The following USP54 variants were observed in gnomAD, a reference collection of about 807,000 sequenced individuals.
USP54 encodes the protein ubiquitin carboxyl-terminal hydrolase 54.
In USP54, 87 loss-of-function variants were observed where a neutral mutation model predicts 170.5. The observed-to-expected ratio is 0.51, with a 90% CI of 0.43 to 0.61. The LOEUF (loss-of-function observed/expected upper bound fraction) is 0.61, where lower values mean the gene tolerates loss of function less well. Ranked by LOEUF, USP54 falls within the 20% of genes least tolerant of loss-of-function variation. The pLI, the probability that USP54 is intolerant of heterozygous loss-of-function variation, is 0.00. For missense variants in USP54, 1,786 were observed against 2,047.8 expected, an observed-to-expected ratio of 0.87 and a Z score of 2.47; for synonymous variants, 655 against 742.8, an observed-to-expected ratio of 0.88 and a Z score of 1.92.
chr10:73,586,176 C>T (rs979223299), intron 1 of USP54, among the ~76,000 whole-genome samples: 68 of 152,168 alleles, frequency 4.5e-4, no homozygotes, highest in African/African-American at 1.6e-3. Flanking sequence ...TCTCACTCAT[C>T]CTCCACTCCA....
At chr10:73,550,328 C>T (rs1230000668) in intron 4 of USP54, among the ~76,000 whole-genome samples, 1 of 152,186 alleles carries the variant, frequency 6.6e-6, no homozygotes, top group Non-Finnish European at 1.5e-5. Flanking sequence ...GATCATTCTT[C>T]CTCTAGATAT....
At chr10:73,569,100 G>A (rs1214999630) in intron 4 of USP54, among the ~76,000 whole-genome samples, 2 of 152,192 alleles carry the variant, frequency 1.3e-5, no homozygotes, top group African/African-American at 4.8e-5. Flanking sequence ...ACAGACAAGA[G>A]TTTCCAGTGT....
In USP54 at chr10:73,538,679, C is replaced by T. The variant is rs190473379; in HGVS notation, c.975+765G>A. Among the ~76,000 whole-genome samples the T allele has an allele frequency of 1.5e-3, 234 of 151,954 alleles. 1 individual carries two copies. Among genetic ancestry groups the T allele is most frequent in the South Asian group, 4.2e-3 (20 of 4,808 alleles). On this transcript the variant is annotated intron_variant, in intron 10 of 23. Transcript: ENST00000687698. ...AATTTTAACTAGCTGGGTGTGGTGG[C>T]CACACACCTATAGTCACAGCTACTC...
chr10:73,528,115 T>C (rs2133378579), intron 15 of USP54, among the ~76,000 whole-genome samples: 1 of 152,190 alleles, frequency 6.6e-6, no homozygotes. Context: ...TTTGTGTTTT[T>C]AGTAGAGACG....
At position 73,523,580 on chromosome 10, in the gene USP54, T is replaced by C. The variant is rs1301298644; in HGVS notation, c.2362+3A>G. 2 of 1,594,258 alleles carry C rather than the reference T, an allele frequency of 1.3e-6. No individual in the cohort carries two copies. Among genetic ancestry groups the C allele is most frequent in the African/African-American group, 2.7e-5 (2 of 74,754 alleles). On this transcript the variant is annotated splice_donor_region_variant and intron_variant, in intron 17 of 23. Coordinates refer to ENST00000687698, the MANE Select transcript of USP54 (RefSeq NM_001391956.1). ...CCCACAACCTAATGCTCACAACAATTACCCTGATTCTGCAGTTCATCCAAG... is the reference window on the plus strand; with the variant it reads ...CCCACAACCTAATGCTCACAACAATCACCCTGATTCTGCAGTTCATCCAAG...
chr10:73,573,599 A>G (rs2075614877), intron 3 of USP54, among the ~76,000 whole-genome samples: 1 of 152,156 alleles, frequency 6.6e-6, no homozygotes, highest in South Asian at 2.1e-4. Flanking sequence ...CCCCGTCTCT[A>G]CTAAAAGTAC....
chr10:73,538,552 C>T (rs181577528), intron 10 of USP54, among the ~76,000 whole-genome samples: 144 of 151,908 alleles, frequency 9.5e-4, no homozygotes, highest in African/African-American at 3.3e-3. Flanking sequence ...CTGTGGCTCA[C>T]GCCTGTAATC....
Position 73,530,787 on chromosome 10 carries a change from C to A in USP54, c.1364G>T (p.Gly455Val). ...GCTCCTCTTGCGCTCTATCAGTGAC[C>A]CTTTCTTGGATGTGTGTTTCTGATT... ...ECNQKHTSKKGSLIERKRSSG... is the reference protein window; with the variant it reads ...ECNQKHTSKKVSLIERKRSSG... Residue 455 changes from glycine to valine, a missense_variant, in exon 13 of 24, where the codon GGG becomes GTG. By Grantham distance (109) the Gly-to-Val change is moderately radical. Coordinates refer to ENST00000687698, the MANE Select transcript of USP54 (RefSeq NM_001391956.1). 1 of 1,614,116 alleles carries A rather than the reference C, an allele frequency of 6.2e-7. No homozygotes were observed. The highest frequency in any genetic ancestry group is 8.5e-7 in the Non-Finnish European group (1 of 1,180,014).
upstream of USP54, among the ~76,000 whole-genome samples, chr10:73,594,640 G>C (rs561190062): frequency 1.7e-4 from 26 of 149,464 alleles, no homozygotes; most frequent in African/African-American, 6.3e-4. Context: ...ATAAACTGGA[G>C]GATTGGGGTG....
At chr10:73,503,422 A>G (rs1284771730) in intron 22 of USP54, among the ~76,000 whole-genome samples, 11 of 152,224 alleles carry the variant, frequency 7.2e-5, no homozygotes. Context: ...CACCTAGCAC[A>G]ATACCTAGAA....
At chr10:73,505,463 T>A in intron 20 of USP54, 37 bp from the exon 21 acceptor site, 1 of 1,582,276 alleles carries the variant, frequency 6.3e-7, no homozygotes, top group Non-Finnish European at 8.7e-7. Flanking sequence ...TGAGGCCATC[T>A]CTTCCCCTAG....
chr10:73,599,893 T>C (rs1177625696), intron 1 of USP54, among the ~76,000 whole-genome samples: 2 of 149,726 alleles, frequency 1.3e-5, no homozygotes, highest in Non-Finnish European at 3.0e-5. Context: ...TCGATTGCAC[T>C]TTGGGCTTTT....
chr10:73,622,686 C>T (rs1291590431), intron 1 of USP54, among the ~76,000 whole-genome samples: 1 of 152,112 alleles, frequency 6.6e-6, no homozygotes, highest in East Asian at 1.9e-4. Context: ...AGCGAGGTGG[C>T]TCACGCCTAT....
At chr10:73,518,181 A>G in intron 19 of USP54, 1 of 985,436 alleles carries the variant, frequency 1.0e-6, no homozygotes, top group Non-Finnish European at 1.2e-6. Flanking sequence ...CAGGGAGGCA[A>G]GTCCTACCTG....
At position 73,517,627 on chromosome 10, in the gene USP54, G is replaced by A; in HGVS notation, c.2799C>T (p.His933=). The A allele has an allele frequency of 1.2e-6, 2 of 1,614,222 alleles. No homozygotes were observed. Among genetic ancestry groups the A allele is most frequent in the Non-Finnish European group, 1.7e-6 (2 of 1,180,044 alleles). ...CAGATGACTCTGGAGATAGTGATGA[G>A]TGTGACTCATGGCAGGAAGCAGGTG... ...FHSPASCHES[H]SSLSPESSAP... Residue 933 remains histidine, a synonymous_variant, in exon 20 of 24, where the codon CAC becomes CAT. Transcript: ENST00000687698.
At chr10:73,552,053 T>C (rs2069510798) in intron 4 of USP54, among the ~76,000 whole-genome samples, 1 of 152,116 alleles carries the variant, frequency 6.6e-6, no homozygotes, top group South Asian at 2.1e-4. Flanking sequence ...AGGGCTCCAC[T>C]CAGAGACGGT....
At chr10:73,605,072 G>A (rs547427219) in intron 1 of USP54, among the ~76,000 whole-genome samples, 1 of 151,956 alleles carries the variant, frequency 6.6e-6, no homozygotes, top group South Asian at 2.1e-4. Flanking sequence ...GTGCTGATTG[G>A]TGCATTTACA....
In USP54 at chr10:73,497,924, A is replaced by G. The variant is rs2057345161; in HGVS notation, c.*705T>C. ...GGGATAGGTGGATAAAACAAAGAGT[A>G]GAAGTTGGGAGTATAGTAGGGAACA... On this transcript the variant is annotated 3_prime_UTR_variant, in exon 24 of 24. Coordinates refer to ENST00000687698, the MANE Select transcript of USP54 (RefSeq NM_001391956.1). 1 of 152,308 alleles carries G rather than the reference A, an allele frequency of 6.6e-6. No homozygotes were observed. Among genetic ancestry groups the G allele is most frequent in the Admixed American group, 6.5e-5 (1 of 15,280 alleles). The allele number at this position is 152,308 out of a possible 1,614,324, so 9.4% of individuals were successfully genotyped here.
At chr10:73,613,395 C>T (rs186243331) in intron 1 of USP54, among the ~76,000 whole-genome samples, 3 of 151,736 alleles carry the variant, frequency 2.0e-5, no homozygotes, top group Admixed American at 2.0e-4. Flanking sequence ...GCCTCCCCCT[C>T]CCAAAGTGCT....
Sources: allele counts gnomAD v4.1 joint callset (sites outside exome capture counted in the v4.1 genomes callset), GRCh38; gene constraint gnomAD v4.1.1; transcripts MANE v1.5; gene names NCBI Gene and HGNC (gene_info 2026-07-23, HGNC 2026-07-21).